The following SH3BGRL2 variants were observed in gnomAD, a reference collection of about 807,000 sequenced individuals.
The protein encoded by SH3BGRL2 is SH3 domain binding glutamate rich protein like 2.
Under a neutral mutation model 14.8 loss-of-function variants are expected in SH3BGRL2, and 21 were observed. The ratio of observed to expected loss-of-function variants is 1.42; its 90% CI spans 1.01 to 2.05. The LOEUF is 2.05. Ranked by LOEUF, SH3BGRL2 falls within the 30% of genes most tolerant of loss-of-function variation. The pLI, the probability that SH3BGRL2 is intolerant of heterozygous loss-of-function variation, is 0.00. For missense variants in SH3BGRL2, 147 were observed against 130.8 expected (o/e 1.12, Z -0.61); for synonymous variants, 50 against 47.8 (o/e 1.05, Z -0.19).
the SH3BGRL2 span, among the ~76,000 whole-genome samples, chr6:79,571,152 A>C: frequency 3.3e-5 from 5 of 152,236 alleles, no homozygotes; most frequent in Non-Finnish European, 7.3e-5. Flanking sequence ...ATGAAAGCGC[A>C]TTAATGCTGG....
intron 2 of SH3BGRL2, among the ~76,000 whole-genome samples, chr6:79,677,245 A>T (rs537431681): frequency 1.6e-4 from 24 of 152,294 alleles, no homozygotes; most frequent in Admixed American, 1.0e-3. Context: ...ACGATCCAGA[A>T]AGCTTGTATA....
At chr6:79,613,347 G>T in the SH3BGRL2 span, among the ~76,000 whole-genome samples, 1 of 152,308 alleles carries the variant, frequency 6.6e-6, no homozygotes, top group East Asian at 1.9e-4. Flanking sequence ...GGAAAGTCAT[G>T]ACCAAGTGAA....
rs79074241 is a variant in SH3BGRL2, at chr6:79,654,839, C to T, written c.46-18775C>T. ...GATCCCTTTTACTTTTATTCCTCTT[C>T]GGTGCAGATATCTGATTCTATTATG... On this transcript the variant is annotated intron_variant, in intron 1 of 3. Coordinates refer to ENST00000369838, the MANE Select transcript of SH3BGRL2 (RefSeq NM_031469.4). Among the ~76,000 whole-genome samples, 62 of 152,200 alleles carry T rather than the reference C, an allele frequency of 4.1e-4. 1 individual carries two copies. Among genetic ancestry groups the T allele is most frequent in the African/African-American group, 1.4e-3 (59 of 41,528 alleles).
At chr6:79,597,368 G>A in the SH3BGRL2 span, among the ~76,000 whole-genome samples, 12 of 150,104 alleles carry the variant, frequency 8.0e-5, no homozygotes, top group Non-Finnish European at 1.6e-4. Context: ...ATGGAAGGAA[G>A]GGAGGAAGGG....
chr6:79,699,621 C>A lies in SH3BGRL2; in HGVS notation c.*112C>A, dbSNP rs1770412177. 1 of 1,337,120 alleles carries A rather than the reference C, an allele frequency of 7.5e-7. No individual in the cohort carries two copies. The highest frequency in any genetic ancestry group is 9.8e-7 in the Non-Finnish European group (1 of 1,015,284). The allele number at this position is 1,337,120 out of a possible 1,614,324, so 82.8% of individuals were successfully genotyped here. A position where few individuals can be genotyped will look rare whatever the true frequency, so the allele number is the denominator to read the frequency against. Reference sequence around the variant, plus strand: ...CAAAAGCCACACGCATTATCAGTAACTTTGCTTGCCACGGAAAAGGTGTTT... The same window carrying A: ...CAAAAGCCACACGCATTATCAGTAAATTTGCTTGCCACGGAAAAGGTGTTT... On this transcript the variant is annotated 3_prime_UTR_variant, in exon 4 of 4. Coordinates refer to ENST00000369838, the MANE Select transcript of SH3BGRL2 (RefSeq NM_031469.4).
the SH3BGRL2 span, among the ~76,000 whole-genome samples, chr6:79,623,234 G>T: frequency 6.6e-6 from 1 of 152,028 alleles, no homozygotes; most frequent in South Asian, 2.1e-4. Flanking sequence ...CCTGAGGGGT[G>T]GAGGTTGCAG....
the SH3BGRL2 span, among the ~76,000 whole-genome samples, chr6:79,611,008 C>T: frequency 6.6e-6 from 1 of 152,200 alleles, no homozygotes; most frequent in Non-Finnish European, 1.5e-5. Flanking sequence ...AGTTTTCCCA[C>T]ATGTAAAAGT....
At chr6:79,692,657 A>G (rs1334735727) in intron 2 of SH3BGRL2, among the ~76,000 whole-genome samples, 1 of 152,218 alleles carries the variant, frequency 6.6e-6, no homozygotes, top group Non-Finnish European at 1.5e-5. Context: ...GTCAAAGATC[A>G]GATGGTTGTA....
chr6:79,677,077 T>C (rs1446238083), intron 2 of SH3BGRL2, among the ~76,000 whole-genome samples: 1 of 152,166 alleles, frequency 6.6e-6, no homozygotes, highest in Non-Finnish European at 1.5e-5. Context: ...CTTATCAAGG[T>C]TAGGTAAATT....
chr6:79,647,812 A>G (rs1769173766), intron 1 of SH3BGRL2, among the ~76,000 whole-genome samples: 1 of 152,146 alleles, frequency 6.6e-6, no homozygotes, highest in African/African-American at 2.4e-5. Flanking sequence ...TTTTGTATTT[A>G]TTGTGAATTG....
At chr6:79,670,531 C>T (rs1338607228) in intron 1 of SH3BGRL2, among the ~76,000 whole-genome samples, 1 of 152,200 alleles carries the variant, frequency 6.6e-6, no homozygotes, top group Non-Finnish European at 1.5e-5. Context: ...CCAGGCTCTA[C>T]TGTGCAGTTA....
the SH3BGRL2 span, among the ~76,000 whole-genome samples, chr6:79,592,113 A>G: frequency 6.6e-6 from 1 of 152,222 alleles, no homozygotes. Context: ...AAATGTTAGC[A>G]CAATCCTGGT....
chr6:79,681,951 CAA>C (rs36023109), intron 2 of SH3BGRL2, among the ~76,000 whole-genome samples: 4 of 135,570 alleles, frequency 3.0e-5, no homozygotes, highest in East Asian at 2.1e-4. Flanking sequence ...GACTCCGTCT[CAA>C]AAAAAAAAAA....
At chr6:79,673,530 G>T in intron 1 of SH3BGRL2, 84 bp from the exon 2 acceptor site, 3 of 1,349,610 alleles carry the variant, frequency 2.2e-6, no homozygotes, top group South Asian at 2.8e-5. Flanking sequence ...TTGTATCAAT[G>T]ACATAAATCT....
At chr6:79,563,582 T>C in the SH3BGRL2 span, among the ~76,000 whole-genome samples, 1 of 152,072 alleles carries the variant, frequency 6.6e-6, no homozygotes, top group Non-Finnish European at 1.5e-5. Flanking sequence ...GTTTTGGAAC[T>C]GTAAAGTAGC....
intron 1 of SH3BGRL2, among the ~76,000 whole-genome samples, chr6:79,644,103 T>A (rs948797739): frequency 6.6e-6 from 1 of 152,178 alleles, no homozygotes; most frequent in Admixed American, 6.5e-5. Flanking sequence ...GACAAATGGT[T>A]GCTGTGGAGG....
chr6:79,597,331 AAAG>A, the SH3BGRL2 span, among the ~76,000 whole-genome samples: 12 of 151,472 alleles, frequency 7.9e-5, no homozygotes, highest in Admixed American at 3.3e-4. Context: ...AAAGAAAAGA[AAAG>A]AAAAAAGAAA....
At chr6:79,589,708 A>G in the SH3BGRL2 span, among the ~76,000 whole-genome samples, 2 of 152,212 alleles carry the variant, frequency 1.3e-5, no homozygotes, top group Non-Finnish European at 2.9e-5. Flanking sequence ...AAGCATAATT[A>G]TAGTACAAAA....
At chr6:79,683,632 A>C (rs1410964246) in intron 2 of SH3BGRL2, among the ~76,000 whole-genome samples, 3 of 152,076 alleles carry the variant, frequency 2.0e-5, no homozygotes, top group African/African-American at 7.2e-5. Context: ...TATATTTAGT[A>C]GAGACGGGGT....
Sources: allele counts gnomAD v4.1 joint callset (sites outside exome capture counted in the v4.1 genomes callset), GRCh38; gene constraint gnomAD v4.1.1; transcripts MANE v1.5; gene names NCBI Gene and HGNC (gene_info 2026-07-23, HGNC 2026-07-21).